WNT2B: variants seen among roughly 807,000 people sequenced by gnomAD.
WNT2B encodes the protein protein Wnt-2b.
A neutral mutation model predicts 40.5 loss-of-function variants in WNT2B; 19 were observed. The observed-to-expected ratio is 0.47, with a 90% CI of 0.33 to 0.69. The LOEUF is 0.69. Ranked by LOEUF, WNT2B falls within the 30% of genes least tolerant of loss-of-function variation. The probability of loss-of-function intolerance (pLI) is 0.02; values close to 1 mark genes in which losing one functional copy is unlikely to be tolerated. For missense variants in WNT2B, 467 were observed against 556.4 expected (o/e 0.84, Z 1.62); for synonymous variants, 220 against 211.9 (o/e 1.04, Z -0.33).
At chr1:112,516,572 G>C (rs900225044) in intron 3 of WNT2B, among the ~76,000 whole-genome samples, 155 bp downstream of exon 3, 3 of 152,208 alleles carry the variant, frequency 2.0e-5, no homozygotes, top group Non-Finnish European at 4.4e-5. Context: ...CTAAATGCAA[G>C]GGAGCTTAGG....
At chr1:112,510,800 T>C (rs1189776142) in intron 1 of WNT2B, among the ~76,000 whole-genome samples, 1 of 152,042 alleles carries the variant, frequency 6.6e-6, no homozygotes, top group African/African-American at 2.4e-5. Context: ...CTTGAAACAT[T>C]CTTTTAGAAA....
At chr1:112,481,632 T>C (rs1236938427) in intron 1 of WNT2B, among the ~76,000 whole-genome samples, 1 of 152,100 alleles carries the variant, frequency 6.6e-6, no homozygotes, top group African/African-American at 2.4e-5. Flanking sequence ...ATCATGTACA[T>C]AGAAAACACA....
At chr1:112,482,614 T>C (rs1367758425) in intron 1 of WNT2B, among the ~76,000 whole-genome samples, 2 of 152,182 alleles carry the variant, frequency 1.3e-5, no homozygotes, top group African/African-American at 4.8e-5. Context: ...ATTACAGGCA[T>C]GAGCCACCAT....
chr1:112,506,098 CTGGGCG>C (rs1652097891), upstream of WNT2B, among the ~76,000 whole-genome samples: 1 of 152,164 alleles, frequency 6.6e-6, no homozygotes, highest in African/African-American at 2.4e-5. Context: ...CCTTGACTTC[CTGGGCG>C]TAAACAATCC....
chr1:112,485,849 A>G (rs1651397758), intron 1 of WNT2B, among the ~76,000 whole-genome samples: 1 of 152,240 alleles, frequency 6.6e-6, no homozygotes, highest in Admixed American at 6.5e-5. Flanking sequence ...TACCAAAAGC[A>G]GCCAGGCCCA....
chr1:112,510,216 A>G (rs1034216373), intron 1 of WNT2B, among the ~76,000 whole-genome samples: 1 of 152,044 alleles, frequency 6.6e-6, no homozygotes, highest in Non-Finnish European at 1.5e-5. Context: ...GCAAAAAGGC[A>G]TTACAGATCC....
chr1:112,470,686 C>T (rs1650852780), intron 1 of WNT2B, among the ~76,000 whole-genome samples: 1 of 152,188 alleles, frequency 6.6e-6, no homozygotes, highest in East Asian at 1.9e-4. Context: ...GGCTGCTCCA[C>T]CAGTGGGGGT....
At chr1:112,505,087 CCTT>C (rs1276951418), upstream of WNT2B, among the ~76,000 whole-genome samples, 7 of 152,202 alleles carry the variant, frequency 4.6e-5, no homozygotes, top group East Asian at 7.7e-4. Context: ...GACAGTGGAC[CCTT>C]CTTCTTTGGG....
At chr1:112,498,874 A>C (rs982194220) in intron 1 of WNT2B, among the ~76,000 whole-genome samples, 11 of 152,086 alleles carry the variant, frequency 7.2e-5, no homozygotes, top group Admixed American at 6.5e-4. Context: ...TCCATCATTC[A>C]CTTCAAAACC....
At chr1:112,500,364 G>A (rs1306277671) in intron 1 of WNT2B, among the ~76,000 whole-genome samples, 5 of 151,880 alleles carry the variant, frequency 3.3e-5, no homozygotes, top group Non-Finnish European at 7.4e-5. Context: ...GGAAATTATA[G>A]GTATTTTCCC....
At position 112,526,276 on chromosome 1, in the gene WNT2B, T is replaced by A. The variant is rs1481066244; in HGVS notation, c.*5767T>A. 1 of 803,630 alleles carries A rather than the reference T, an allele frequency of 1.2e-6. No homozygotes were observed. Among genetic ancestry groups the A allele is most frequent in the Non-Finnish European group, 2.0e-6 (1 of 509,604 alleles). 49.8% of individuals were successfully genotyped at this position (803,630 alleles called of 1,614,324 possible). A position where few individuals can be genotyped will look rare whatever the true frequency, so the allele number is the denominator to read the frequency against. On this transcript the variant is annotated 3_prime_UTR_variant, in exon 5 of 5. Coordinates refer to ENST00000369684, the MANE Select transcript of WNT2B (RefSeq NM_024494.3). The stretch of plus-strand genomic sequence containing the variant: ...TCTGCCACTATTACCACCAGTACCA[T>A]GTGACCACTATACAACATATTCCAC...
chr1:112,509,960 T>G lies in WNT2B; in HGVS notation c.182+516T>G, dbSNP rs976762139. ...TGGAATCGAGGCAAAATTTACCCCATTAACTCCCACAATTAAAACAAACAA... is the reference window on the plus strand; with the variant it reads ...TGGAATCGAGGCAAAATTTACCCCAGTAACTCCCACAATTAAAACAAACAA... On this transcript the variant is annotated intron_variant, in intron 1 of 4. Transcript: ENST00000369684. This position sits in a 1 kb window ranked among gnomAD's most constrained non-coding sequence, Gnocchi z 4.2. Among the ~76,000 whole-genome samples, 1 of 152,166 alleles carries G rather than the reference T, an allele frequency of 6.6e-6. No individual in the cohort carries two copies. The highest frequency in any genetic ancestry group is 2.1e-4 in the South Asian group (1 of 4,832).
intron 1 of WNT2B, among the ~76,000 whole-genome samples, chr1:112,487,582 A>C (rs1017906601): frequency 6.6e-6 from 1 of 152,208 alleles, no homozygotes; most frequent in Non-Finnish European, 1.5e-5. Context: ...AATTTATTGA[A>C]TACTAAAGTG....
chr1:112,504,690 G>A (rs572859622), upstream of WNT2B, among the ~76,000 whole-genome samples: 5 of 152,208 alleles, frequency 3.3e-5, no homozygotes, highest in South Asian at 1.0e-3. Flanking sequence ...GACCTGCCTC[G>A]GTTTGCAAAG....
At chr1:112,473,251 G>A (rs1220942964) in intron 1 of WNT2B, among the ~76,000 whole-genome samples, 1 of 151,558 alleles carries the variant, frequency 6.6e-6, no homozygotes, top group African/African-American at 2.4e-5. Flanking sequence ...AAAAGAGGGA[G>A]GGAGGGAGAG....
chr1:112,498,393 A>C (rs2749126), intron 1 of WNT2B, among the ~76,000 whole-genome samples: 54,467 of 151,608 alleles, frequency 0.36, 10,652 homozygotes, highest in South Asian at 0.55. Flanking sequence ...AGCTGGGATT[A>C]CAGGCTAATT....
chr1:112,525,933 G>A lies in WNT2B; in HGVS notation c.*5424G>A, dbSNP rs752916523. 1.4e-4 allele frequency: 215 copies of A among 1,587,476 alleles called. No individual in the cohort carries two copies. Among genetic ancestry groups the A allele is most frequent in the Non-Finnish European group, 1.8e-4 (205 of 1,162,762 alleles). On this transcript the variant is annotated 3_prime_UTR_variant, in exon 5 of 5. Coordinates refer to ENST00000369684, the MANE Select transcript of WNT2B (RefSeq NM_024494.3). ...TGTAATCCTCACAACAACCCTGTGA[G>A]GTAGGGGTTACTGTCACTTTACAGA...
Position 112,514,932 on chromosome 1 carries a change from C to A in WNT2B, c.241C>A (p.Arg81=). 6.2e-7 allele frequency: 1 copy of A among 1,614,198 alleles called. No homozygotes were observed. The highest frequency in any genetic ancestry group is 8.5e-7 in the Non-Finnish European group (1 of 1,180,030). The change falls in exon 2 of 5, where the codon CGG becomes AGG. Residue 81 remains arginine (R), a synonymous_variant. Transcript: ENST00000369684. ...TGACAATATCCCTGGTTTGGTGAGC[C>A]GGCAGCGGCAGCTGTGCCAGCGTTA... The part of the protein sequence containing the change: ...ICDNIPGLVS[R]QRQLCQRYPD...
At chr1:112,496,835 G>A (rs761533845) in intron 1 of WNT2B, among the ~76,000 whole-genome samples, 8 of 151,964 alleles carry the variant, frequency 5.3e-5, no homozygotes, top group South Asian at 4.2e-4. Flanking sequence ...CACGACCTCC[G>A]GTGATCTGCC....
Sources: allele counts gnomAD v4.1 joint callset (sites outside exome capture counted in the v4.1 genomes callset), GRCh38; gene constraint gnomAD v4.1.1; non-coding constraint Gnocchi (gnomAD v3.1); transcripts MANE v1.5; gene names NCBI Gene and HGNC (gene_info 2026-07-23, HGNC 2026-07-21).